FMR1NB: variants seen among roughly 807,000 people sequenced by gnomAD.
FMR1NB encodes FMR1 neighbor.
Under a neutral mutation model 16.8 loss-of-function variants are expected in FMR1NB, and 10 were observed. That is an observed-to-expected ratio of 0.60 (90% CI 0.37 to 1.01). The LOEUF (loss-of-function observed/expected upper bound fraction) is 1.01, where lower values mean the gene tolerates loss of function less well. FMR1NB is among the 50% of genes least tolerant of loss of function. The pLI is 0.01. For synonymous variants in FMR1NB, 83 were observed against 79.1 expected, an observed-to-expected ratio of 1.05 and a Z score of -0.26; for missense variants, 205 against 204.8, an observed-to-expected ratio of 1.00 and a Z score of 0.00.
At chrX:148,010,928 C>T (rs1340114029) in intron 4 of FMR1NB, among the ~76,000 whole-genome samples, 2 of 111,309 alleles carry the variant, frequency 1.8e-5, no homozygotes, top group Non-Finnish European at 3.8e-5. Flanking sequence ...TTGGTATTCC[C>T]CAACCTCTGC....
Position 147,981,396 on chromosome X carries a change from C to A in FMR1NB, c.-7C>A, listed in dbSNP as rs374693289. 2 of 1,202,680 alleles carry A rather than the reference C, an allele frequency of 1.7e-6. No homozygotes were observed. Among genetic ancestry groups the A allele is most frequent in the Admixed American group, 4.4e-5 (2 of 45,510 alleles). ...GGCAGCGTCTCAGCGAGGCGGCACCCGGAGCCATGTCTTCACATAGGAGGA... is the reference window on the plus strand; with the variant it reads ...GGCAGCGTCTCAGCGAGGCGGCACCAGGAGCCATGTCTTCACATAGGAGGA... On this transcript the variant is annotated 5_prime_UTR_variant, in exon 1 of 6. Transcript: ENST00000370467.
At chrX:147,983,648 T>G (rs1557186851) in intron 1 of FMR1NB, among the ~76,000 whole-genome samples, 2 of 112,409 alleles carry the variant, frequency 1.8e-5, no homozygotes, top group African/African-American at 6.5e-5. Context: ...ATCAGATACC[T>G]GATTTGCAAA....
chrX:147,995,135 C>T (rs2044535661), intron 1 of FMR1NB, among the ~76,000 whole-genome samples: 1 of 112,094 alleles, frequency 8.9e-6, no homozygotes, highest in Non-Finnish European at 1.9e-5. Flanking sequence ...TCACAATCCT[C>T]AGAAGGAACC....
At chrX:147,992,232 T>C (rs557895039) in intron 1 of FMR1NB, among the ~76,000 whole-genome samples, 10,690 of 82,584 alleles carry the variant, frequency 0.13, 1,017 homozygotes, top group African/African-American at 0.35. Context: ...CCAGTAGGGG[T>C]GGCTGGGCAG....
chrX:148,023,200 A>G (rs1399742446), intron 4 of FMR1NB, among the ~76,000 whole-genome samples: 1 of 111,762 alleles, frequency 8.9e-6, no homozygotes, highest in Non-Finnish European at 1.9e-5. Context: ...TCTGGCCCCA[A>G]GGTACTGAGA....
intron 4 of FMR1NB, among the ~76,000 whole-genome samples, chrX:148,015,213 CTT>C (rs782756946): frequency 1.8e-5 from 2 of 111,173 alleles, no homozygotes; most frequent in East Asian, 5.7e-4. Context: ...GGTATTCTCT[CTT>C]GTTTGCTTAG....
rs191709453 is a variant in FMR1NB, at chrX:148,003,599, C to T, written c.397+279C>T. On this transcript the variant is annotated intron_variant, in intron 2 of 5. Coordinates refer to ENST00000370467, the MANE Select transcript of FMR1NB (RefSeq NM_152578.3). ...TGTTACTGTTTATAAAATACTTTTC[C>T]TTCGCAAATATCTAATCTTTCACAA... is the stretch of plus-strand genomic sequence containing the variant. Among the ~76,000 whole-genome samples, 88 of 112,272 alleles carry T rather than the reference C, an allele frequency of 7.8e-4. 1 individual carries two copies. Among genetic ancestry groups the T allele is most frequent in the Non-Finnish European group, 1.5e-3 (81 of 53,266 alleles).
intron 1 of FMR1NB, among the ~76,000 whole-genome samples, chrX:147,991,307 A>G (rs184270408): frequency 2.8e-5 from 3 of 109,055 alleles, no homozygotes; most frequent in Non-Finnish European, 5.7e-5. Flanking sequence ...TCCTCTTCAT[A>G]GTCCTTTCTT....
At chrX:147,992,188 G>C (rs2044510203) in intron 1 of FMR1NB, among the ~76,000 whole-genome samples, 1 of 108,363 alleles carries the variant, frequency 9.2e-6, no homozygotes, top group South Asian at 3.9e-4. Context: ...CCTCCCAGAC[G>C]GGGTGGTGGC....
At chrX:148,010,486 G>T (rs1490390596) in intron 4 of FMR1NB, among the ~76,000 whole-genome samples, 1 of 111,852 alleles carries the variant, frequency 8.9e-6, no homozygotes, top group Non-Finnish European at 1.9e-5. Flanking sequence ...GGAGCCAAGT[G>T]CAGGCCATAG....
At chrX:148,018,894 A>G (rs1225694742) in intron 4 of FMR1NB, among the ~76,000 whole-genome samples, 1 of 111,651 alleles carries the variant, frequency 9.0e-6, no homozygotes, top group African/African-American at 3.3e-5. Flanking sequence ...GGCAACCTAC[A>G]AAATGGGAGA....
At chrX:148,019,215 G>C (rs1056581440) in intron 4 of FMR1NB, among the ~76,000 whole-genome samples, 1 of 112,131 alleles carries the variant, frequency 8.9e-6, no homozygotes, top group Non-Finnish European at 1.9e-5. Context: ...CAGTATGTCA[G>C]TTGCATATTT....
intron 4 of FMR1NB, among the ~76,000 whole-genome samples, chrX:148,013,560 G>A (rs2044635525): frequency 8.9e-6 from 1 of 112,010 alleles, no homozygotes; most frequent in Non-Finnish European, 1.9e-5. Flanking sequence ...CTTTCACCAC[G>A]TTTCATGGAT....
chrX:148,023,681 T>G (rs1557190767), intron 4 of FMR1NB, among the ~76,000 whole-genome samples: 1 of 111,915 alleles, frequency 8.9e-6, no homozygotes, highest in Non-Finnish European at 1.9e-5. Flanking sequence ...TCTCTTTACC[T>G]CTGCCATGAA....
At chrX:147,982,267 T>TC (rs2044452113) in intron 1 of FMR1NB, among the ~76,000 whole-genome samples, 1 of 88,916 alleles carries the variant, frequency 1.1e-5, no homozygotes, top group Non-Finnish European at 2.2e-5. Context: ...TCCAGCCTGG[T>TC]GAGAGAGCGA....
chrX:148,002,422 CAA>C (rs202203255), intron 1 of FMR1NB, among the ~76,000 whole-genome samples: 2,972 of 111,651 alleles, frequency 0.027, 40 homozygotes, highest in Non-Finnish European at 0.041. Flanking sequence ...TGGACATACT[CAA>C]GAGCCACCAT....
At chrX:147,988,695 T>C (rs1230197669) in intron 1 of FMR1NB, among the ~76,000 whole-genome samples, 2 of 111,624 alleles carry the variant, frequency 1.8e-5, no homozygotes, top group Admixed American at 1.9e-4. Flanking sequence ...TTGGAGGCTT[T>C]TTTCATTCCT....
chrX:147,982,583 C>T (rs1162350283), intron 1 of FMR1NB, among the ~76,000 whole-genome samples: 4 of 76,973 alleles, frequency 5.2e-5, no homozygotes, highest in Non-Finnish European at 7.2e-5. Flanking sequence ...AGCGAGACTC[C>T]GTCTCAAAAA....
At position 147,981,685 on chromosome X, in the gene FMR1NB, T is replaced by C. The variant is rs1557186532; in HGVS notation, c.277+6T>C. 4 of 921,998 alleles carry C rather than the reference T, an allele frequency of 4.3e-6. No individual in the cohort carries two copies. Among genetic ancestry groups the C allele is most frequent in the Non-Finnish European group, 5.5e-6 (4 of 726,893 alleles). 76.0% of individuals were successfully genotyped at this position (921,998 alleles called of 1,213,427 possible). A position where few individuals can be genotyped will look rare whatever the true frequency, so the allele number is the denominator to read the frequency against. ...GTCCTACTACCTGTGCTCCGGTGAG[T>C]GCTGGCTCAGGCCAGGCAGGGAAAT... On this transcript the variant is annotated splice_donor_region_variant and intron_variant, in intron 1 of 5. Transcript: ENST00000370467.
Sources: gnomAD v4.1 joint callset for allele counts (sites outside exome capture counted in the v4.1 genomes callset) on GRCh38, gnomAD v4.1.1 for gene constraint, MANE v1.5 for transcripts, NCBI Gene and HGNC (gene_info 2026-07-23, HGNC 2026-07-21) for gene names.